Variants in LRP1B observed in about 807,000 individuals in gnomAD.
LRP1B encodes the protein low-density lipoprotein receptor-related protein 1B.
LRP1B carries 217 observed loss-of-function variants against 556.6 expected under a neutral mutation model. The ratio of observed to expected loss-of-function variants is 0.39; its 90% CI spans 0.35 to 0.44. LRP1B has a LOEUF of 0.44. Ranked by LOEUF, LRP1B falls within the 20% of genes least tolerant of loss-of-function variation. The probability of loss-of-function intolerance (pLI) is 1.00; values close to 1 mark genes in which losing one functional copy is unlikely to be tolerated. For missense variants in LRP1B, 5,053 were observed against 5,620.8 expected (o/e 0.90, Z 3.23); for synonymous variants, 2,047 against 1,865.8 (o/e 1.10, Z -2.50).
chr2:141,749,600 A>T (rs889430286), intron 2 of LRP1B, among the ~76,000 whole-genome samples: 1 of 152,158 alleles, frequency 6.6e-6, no homozygotes, highest in Non-Finnish European at 1.5e-5. Flanking sequence ...TTTTTAAGAC[A>T]TGTTTATATA....
intron 1 of LRP1B, among the ~76,000 whole-genome samples, chr2:142,067,681 A>T (rs1380285030): frequency 6.6e-6 from 1 of 151,568 alleles, no homozygotes; most frequent in Non-Finnish European, 1.5e-5. Flanking sequence ...AGACTGAAAT[A>T]ATCCCAAATA....
chr2:140,660,369 T>A (rs1685048439), intron 41 of LRP1B, among the ~76,000 whole-genome samples: 1 of 152,164 alleles, frequency 6.6e-6, no homozygotes, highest in African/African-American at 2.4e-5. Context: ...TGATTTTGTT[T>A]ACTTTCTTGT....
intron 7 of LRP1B, among the ~76,000 whole-genome samples, chr2:141,179,826 T>G (rs1031043596): frequency 6.6e-6 from 1 of 150,504 alleles, no homozygotes; most frequent in Non-Finnish European, 1.5e-5. Flanking sequence ...TGGTTCAATA[T>G]CCTGCAAGGC....
chr2:141,215,466 C>G (rs1051970844), intron 6 of LRP1B, among the ~76,000 whole-genome samples: 6 of 152,056 alleles, frequency 3.9e-5, no homozygotes, highest in Non-Finnish European at 7.4e-5. Context: ...AACTGGGTAA[C>G]AGGAAGAGAT....
At chr2:142,099,434 G>T (rs1172610896) in intron 1 of LRP1B, among the ~76,000 whole-genome samples, 1 of 151,798 alleles carries the variant, frequency 6.6e-6, no homozygotes, top group African/African-American at 2.4e-5. Context: ...ATATTAACAT[G>T]AGTTGGAGGA....
intron 66 of LRP1B, among the ~76,000 whole-genome samples, chr2:140,435,612 T>G (rs1439236020): frequency 1.3e-5 from 2 of 152,004 alleles, no homozygotes; most frequent in Admixed American, 6.6e-5. Context: ...TGTAGGCTCC[T>G]TTTTAGCTTT....
chr2:140,336,453 T>C (rs1157159337), intron 77 of LRP1B, among the ~76,000 whole-genome samples: 1 of 151,726 alleles, frequency 6.6e-6, no homozygotes, highest in Non-Finnish European at 1.5e-5. Flanking sequence ...ATAGAATTAG[T>C]GTCTTCAAGT....
chr2:141,006,595 A>C (rs12691587), intron 14 of LRP1B, among the ~76,000 whole-genome samples: 81,452 of 151,868 alleles, frequency 0.54, 22,397 homozygotes, highest in Admixed American at 0.6. Context: ...ACAAACCGAG[A>C]TAGTAGAGCC....
chr2:140,833,741 C>T (rs1304924933), intron 31 of LRP1B, among the ~76,000 whole-genome samples: 1 of 152,120 alleles, frequency 6.6e-6, no homozygotes, highest in Admixed American at 6.6e-5. Context: ...TCTGGTAGAA[C>T]TCTGACTATT....
At chr2:141,159,214 G>A (rs762095053) in intron 7 of LRP1B, among the ~76,000 whole-genome samples, 4 of 152,088 alleles carry the variant, frequency 2.6e-5, no homozygotes, top group Non-Finnish European at 5.9e-5. Context: ...TCTCATGTTA[G>A]TAAACTCAGA....
intron 87 of LRP1B, among the ~76,000 whole-genome samples, chr2:140,242,785 G>A (rs1001491807): frequency 2.2e-4 from 33 of 151,168 alleles, no homozygotes; most frequent in African/African-American, 7.7e-4. Flanking sequence ...GCTGGAAGGA[G>A]ATGTGACTGC....
chr2:140,947,581 CT>C (rs1297832319), intron 20 of LRP1B, among the ~76,000 whole-genome samples: 3 of 152,206 alleles, frequency 2.0e-5, no homozygotes, highest in African/African-American at 7.2e-5. Context: ...GTGCAAATGA[CT>C]TTGCTGATCA....
chr2:140,778,323 TA>T (rs1216091092), intron 32 of LRP1B, among the ~76,000 whole-genome samples: 2 of 152,180 alleles, frequency 1.3e-5, no homozygotes, highest in Admixed American at 1.3e-4. Context: ...GAATGGAATA[TA>T]AAAACTGTCA....
At chr2:140,910,096 C>A (rs200392128) in intron 21 of LRP1B, among the ~76,000 whole-genome samples, 21 of 145,992 alleles carry the variant, frequency 1.4e-4, no homozygotes, top group South Asian at 2.1e-4. Flanking sequence ...AGAATCTTAC[C>A]AAAACAAAAA....
chr2:140,478,144 C>CTTTTTTTTTTTTTTTTTTTGTTT (rs1688048436), intron 59 of LRP1B, among the ~76,000 whole-genome samples: 1 of 62,780 alleles, frequency 1.6e-5, no homozygotes, highest in African/African-American at 5.7e-5. Flanking sequence ...TATAACTTAA[C>CTTTTTTTTTTTTTTTTTTTGTTT]TTTTTTTTTT....
At chr2:142,037,929 T>G (rs537269720) in intron 1 of LRP1B, among the ~76,000 whole-genome samples, 3 of 151,652 alleles carry the variant, frequency 2.0e-5, no homozygotes, top group Non-Finnish European at 3.0e-5. Context: ...TGGTGTGAGC[T>G]CCTGGATTGT....
intron 2 of LRP1B, among the ~76,000 whole-genome samples, chr2:141,791,419 A>G (rs117249519): frequency 2.0e-5 from 3 of 152,168 alleles, no homozygotes; most frequent in East Asian, 3.9e-4. Flanking sequence ...AAAAGAGTAG[A>G]TAAGTATTTA....
Position 141,627,700 on chromosome 2 carries a change from C to T in LRP1B, c.206-147167G>A, listed in dbSNP as rs75356071. On this transcript the variant is annotated intron_variant, in intron 2 of 90. Coordinates refer to ENST00000389484, the MANE Select transcript of LRP1B (RefSeq NM_018557.3). Reference sequence around the variant, plus strand: ...TGGTCCATGGAAACACTGTCGTCCACGAAACTGGTTCCTGGTGCCAAAAAG... The same window carrying T: ...TGGTCCATGGAAACACTGTCGTCCATGAAACTGGTTCCTGGTGCCAAAAAG... Among the ~76,000 whole-genome samples the T allele has an allele frequency of 3.8e-3, 586 of 152,302 alleles. 4 individuals carry two copies. Among genetic ancestry groups the T allele is most frequent in the African/African-American group, 0.013 (561 of 41,572 alleles).
chr2:140,861,145 G>A (rs868322924), intron 27 of LRP1B, among the ~76,000 whole-genome samples: 3 of 152,114 alleles, frequency 2.0e-5, no homozygotes, highest in Non-Finnish European at 4.4e-5. Flanking sequence ...AGTGGCTCAC[G>A]CCTGTAATCC....
Sources: gnomAD v4.1 joint callset for allele counts (sites outside exome capture counted in the v4.1 genomes callset) on GRCh38, gnomAD v4.1.1 for gene constraint, MANE v1.5 for transcripts, NCBI Gene and HGNC (gene_info 2026-07-23, HGNC 2026-07-21) for gene names.